FAM168A: variants seen among roughly 807,000 people sequenced by gnomAD.
The protein encoded by FAM168A is family with sequence similarity 168 member A.
In FAM168A, 3 loss-of-function variants were observed where a neutral mutation model predicts 28.5. The observed-to-expected ratio is 0.11, with a 90% CI of 0.05 to 0.27. FAM168A has a LOEUF of 0.27. Among genes scored for constraint, FAM168A ranks in the 10% least tolerant of loss-of-function variants. The pLI is 1.00. For missense variants in FAM168A, 222 were observed against 311.5 expected (o/e 0.71, Z 2.16); for synonymous variants, 122 against 124.2 (o/e 0.98, Z 0.12).
At chr11:73,554,565 A>G (rs1049409706) in intron 1 of FAM168A, among the ~76,000 whole-genome samples, 2 of 152,222 alleles carry the variant, frequency 1.3e-5, no homozygotes, top group African/African-American at 2.4e-5. Context: ...TAGTTTTTCC[A>G]TAACAGGCAT....
chr11:73,553,869 G>A (rs183104273), intron 1 of FAM168A, among the ~76,000 whole-genome samples: 1 of 152,176 alleles, frequency 6.6e-6, no homozygotes, highest in African/African-American at 2.4e-5. Flanking sequence ...TGCACTTGTA[G>A]TGCCAGCTAT....
At chr11:73,456,007 A>G (rs1867525374) in intron 2 of FAM168A, among the ~76,000 whole-genome samples, 1 of 152,208 alleles carries the variant, frequency 6.6e-6, no homozygotes, top group Non-Finnish European at 1.5e-5. Context: ...AGAGCCAGGC[A>G]AACTGTAAGG....
At chr11:73,487,237 C>T (rs1216409528) in intron 1 of FAM168A, among the ~76,000 whole-genome samples, 2 of 152,160 alleles carry the variant, frequency 1.3e-5, no homozygotes, top group Admixed American at 1.3e-4. Flanking sequence ...CTCTGGAACT[C>T]AAGGTTAGCA....
chr11:73,495,278 G>C (rs1027389674), intron 1 of FAM168A, among the ~76,000 whole-genome samples: 1 of 151,758 alleles, frequency 6.6e-6, no homozygotes, highest in South Asian at 2.1e-4. Flanking sequence ...GCAGTGAGCC[G>C]AGATCGTGCC....
intron 2 of FAM168A, among the ~76,000 whole-genome samples, chr11:73,441,386 C>T (rs1210003992): frequency 6.6e-6 from 1 of 152,168 alleles, no homozygotes; most frequent in Non-Finnish European, 1.5e-5. Flanking sequence ...TAAAGTGTAA[C>T]AATATCAGGT....
At chr11:73,534,714 T>C (rs1198080240) in intron 1 of FAM168A, among the ~76,000 whole-genome samples, 1 of 152,164 alleles carries the variant, frequency 6.6e-6, no homozygotes, top group Non-Finnish European at 1.5e-5. Flanking sequence ...GTACCATATA[T>C]TTCTAGAAAG....
At chr11:73,433,487 C>A (rs1187401990) in intron 2 of FAM168A, among the ~76,000 whole-genome samples, 1 of 151,904 alleles carries the variant, frequency 6.6e-6, no homozygotes, top group South Asian at 2.1e-4. Flanking sequence ...TTGACCCTTA[C>A]GTTTTCTTCT....
chr11:73,592,995 CT>C (rs1351351980), intron 1 of FAM168A, among the ~76,000 whole-genome samples: 1 of 151,898 alleles, frequency 6.6e-6, no homozygotes, highest in African/African-American at 2.4e-5. Context: ...AGAAATAAAG[CT>C]TTTTTAAAAG....
chr11:73,567,496 T>A (rs1944034052), intron 1 of FAM168A, among the ~76,000 whole-genome samples: 1 of 152,184 alleles, frequency 6.6e-6, no homozygotes, highest in African/African-American at 2.4e-5. Context: ...AAAGGTTTTA[T>A]TATTTTTACC....
At chr11:73,466,830 G>A (rs935131024) in intron 2 of FAM168A, among the ~76,000 whole-genome samples, 4 of 152,094 alleles carry the variant, frequency 2.6e-5, no homozygotes, top group Non-Finnish European at 4.4e-5. Context: ...GGATGCTTTG[G>A]GGAGATTTTT....
At chr11:73,447,884 C>A (rs1867351531) in intron 2 of FAM168A, among the ~76,000 whole-genome samples, 1 of 152,146 alleles carries the variant, frequency 6.6e-6, no homozygotes, top group Non-Finnish European at 1.5e-5. Context: ...AGACTCAAAT[C>A]CTAATTTTGT....
chr11:73,498,886 C>T (rs768700574), intron 1 of FAM168A, among the ~76,000 whole-genome samples: 15 of 152,298 alleles, frequency 9.8e-5, no homozygotes, highest in Non-Finnish European at 1.6e-4. Context: ...GAGCCCCTAG[C>T]GGGGACGGGT....
rs1333837688 is a variant in FAM168A, at chr11:73,401,239, T to G, written c.*5524A>C. The stretch of plus-strand genomic sequence containing the variant: ...ACGCTCTCTTCACAGGGATGTTACA[T>G]GCCATGAGAACAGGTTTCTCTGTCA... On this transcript the variant is annotated 3_prime_UTR_variant, in exon 8 of 8. Coordinates refer to ENST00000356467, the MANE Select transcript of FAM168A (RefSeq NM_015159.3). 6.6e-6 allele frequency: 1 copy of G among 152,212 alleles called. No homozygotes were observed. Among genetic ancestry groups the G allele is most frequent in the Non-Finnish European group, 1.5e-5 (1 of 68,034 alleles). 9.4% of individuals were successfully genotyped at this position (152,212 alleles called of 1,614,324 possible). A position where few individuals can be genotyped will look rare whatever the true frequency, so the allele number is the denominator to read the frequency against.
chr11:73,480,634 C>A (rs886076690), intron 1 of FAM168A, among the ~76,000 whole-genome samples: 37 of 152,070 alleles, frequency 2.4e-4, no homozygotes, highest in African/African-American at 8.7e-4. Flanking sequence ...TCAAGAAGAG[C>A]TTTCACAGTA....
chr11:73,425,007 A>C, intron 3 of FAM168A: 2 of 1,526,392 alleles, frequency 1.3e-6, no homozygotes, highest in Non-Finnish European at 1.8e-6. Context: ...AGATGAGGAA[A>C]AATAGCTTTC....
intron 1 of FAM168A, among the ~76,000 whole-genome samples, chr11:73,583,166 G>A (rs1033937699): frequency 2.0e-5 from 3 of 152,166 alleles, no homozygotes; most frequent in African/African-American, 7.2e-5. Flanking sequence ...AGTTGGGCAT[G>A]GTGGTGCATA....
intron 5 of FAM168A, among the ~76,000 whole-genome samples, chr11:73,410,065 TATC>T (rs1339902186): frequency 6.6e-6 from 1 of 151,808 alleles, no homozygotes; most frequent in East Asian, 1.9e-4. Context: ...TTAGTAGTAG[TATC>T]ATAATGGTGT....
chr11:73,562,645 G>T (rs1227495301), intron 1 of FAM168A, among the ~76,000 whole-genome samples: 13 of 152,048 alleles, frequency 8.5e-5, no homozygotes. Flanking sequence ...TGGCCAACAC[G>T]GTGAAACCCT....
chr11:73,472,396 G>A (rs180873594), intron 1 of FAM168A, among the ~76,000 whole-genome samples: 9 of 152,342 alleles, frequency 5.9e-5, no homozygotes, highest in African/African-American at 2.2e-4. Flanking sequence ...GGCCAGTTTA[G>A]CTGAAGTGGA....
Sources: allele counts gnomAD v4.1 joint callset (sites outside exome capture counted in the v4.1 genomes callset), GRCh38; gene constraint gnomAD v4.1.1; transcripts MANE v1.5; gene names NCBI Gene and HGNC (gene_info 2026-07-23, HGNC 2026-07-21).